GALNTL6: variants seen among roughly 807,000 people sequenced by gnomAD.
GALNTL6 encodes polypeptide N-acetylgalactosaminyltransferase like 6.
A neutral mutation model predicts 73.7 loss-of-function variants in GALNTL6; 46 were observed. The ratio of observed to expected loss-of-function variants is 0.62; its 90% CI spans 0.49 to 0.80. The LOEUF (loss-of-function observed/expected upper bound fraction) is 0.80. Among genes scored for constraint, GALNTL6 ranks in the 30% least tolerant of loss-of-function variants. The pLI is 0.00. For synonymous variants in GALNTL6, 259 were observed against 263.7 expected, an observed-to-expected ratio of 0.98 and a Z score of 0.17; for missense variants, 604 against 755.0, an observed-to-expected ratio of 0.80 and a Z score of 2.34.
intron 4 of GALNTL6, among the ~76,000 whole-genome samples, chr4:172,324,915 A>G (rs1740891091): frequency 6.6e-6 from 1 of 151,410 alleles, no homozygotes; most frequent in African/African-American, 2.4e-5. Context: ...AATATGCTTT[A>G]CATATAAAGT....
At chr4:172,359,218 C>A (rs1373009498) in intron 5 of GALNTL6, among the ~76,000 whole-genome samples, 4 of 152,106 alleles carry the variant, frequency 2.6e-5, no homozygotes, top group South Asian at 2.1e-4. Context: ...AGAATGAGAT[C>A]ATATTCTTTG....
chr4:172,209,434 G>T, intron 2 of GALNTL6, among the ~76,000 whole-genome samples: 1 of 107,042 alleles, frequency 9.3e-6, no homozygotes. Context: ...AGGACCCAGG[G>T]TCTCTGGTCA....
rs772818350 is a variant in GALNTL6, at chr4:172,176,077, C to T, written c.139-53579C>T. ...TATTCAGGCTGGGCGCGGTGGCTCACGCCTGTAATCCCAGCACTTTGGGAG... is the reference window on the plus strand; with the variant it reads ...TATTCAGGCTGGGCGCGGTGGCTCATGCCTGTAATCCCAGCACTTTGGGAG... On this transcript the variant is annotated intron_variant, in intron 2 of 12. Coordinates refer to ENST00000506823, the MANE Select transcript of GALNTL6 (RefSeq NM_001034845.3). 5.3e-4 allele frequency among the ~76,000 whole-genome samples: 80 copies of T among 152,100 alleles called. 1 individual carries two copies. The highest frequency in any genetic ancestry group is 9.6e-4 in the Non-Finnish European group (65 of 68,004).
chr4:172,725,695 T>C (rs560782658), intron 5 of GALNTL6, among the ~76,000 whole-genome samples: 1 of 152,322 alleles, frequency 6.6e-6, no homozygotes, highest in African/African-American at 2.4e-5. Flanking sequence ...TCTTGCGTTC[T>C]GCTTTAAAGA....
At chr4:172,697,961 C>A (rs1733793608) in intron 5 of GALNTL6, among the ~76,000 whole-genome samples, 1 of 152,248 alleles carries the variant, frequency 6.6e-6, no homozygotes, top group Non-Finnish European at 1.5e-5. Flanking sequence ...CACTCTAAAC[C>A]AATTTAAGAC....
chr4:172,762,811 A>G (rs1347952680), intron 5 of GALNTL6, among the ~76,000 whole-genome samples: 1 of 151,564 alleles, frequency 6.6e-6, no homozygotes, highest in Non-Finnish European at 1.5e-5. Context: ...ACCCAGTGAA[A>G]GTAACATCGA....
intron 10 of GALNTL6, among the ~76,000 whole-genome samples, chr4:172,955,264 G>A (rs1321368103): frequency 6.6e-6 from 1 of 152,072 alleles, no homozygotes; most frequent in Non-Finnish European, 1.5e-5. Context: ...GATCACCTGA[G>A]GTCAGGAGTT....
At chr4:172,822,619 C>T (rs1421046777) in intron 7 of GALNTL6, among the ~76,000 whole-genome samples, 1 of 152,100 alleles carries the variant, frequency 6.6e-6, no homozygotes, top group African/African-American at 2.4e-5. Context: ...ACAGCTCCTC[C>T]GTAGTCAGGC....
intron 8 of GALNTL6, among the ~76,000 whole-genome samples, chr4:172,891,168 G>A (rs970526424): frequency 1.3e-5 from 2 of 151,582 alleles, no homozygotes; most frequent in Non-Finnish European, 2.9e-5. Flanking sequence ...TTTAAGTGAG[G>A]CATTTAGACC....
intron 3 of GALNTL6, 24 bp from the exon 4 acceptor site, chr4:172,311,590 T>G: frequency 1.9e-6 from 3 of 1,584,070 alleles, no homozygotes; most frequent in Non-Finnish European, 1.7e-6. Flanking sequence ...GAGATGATAA[T>G]CTCATTTTGT....
At chr4:171,876,252 C>T (rs1471798972) in intron 2 of GALNTL6, among the ~76,000 whole-genome samples, 1 of 152,090 alleles carries the variant, frequency 6.6e-6, no homozygotes, top group Non-Finnish European at 1.5e-5. Flanking sequence ...TTTGATGTTA[C>T]AGAAAGACGT....
At chr4:172,443,123 T>TAC (rs1364212575) in intron 5 of GALNTL6, among the ~76,000 whole-genome samples, 6 of 56,238 alleles carry the variant, frequency 1.1e-4, no homozygotes, top group East Asian at 8.3e-4. Context: ...TCCATATACA[T>TAC]ATATATATAT....
At chr4:172,478,372 A>G (rs1312223336) in intron 5 of GALNTL6, among the ~76,000 whole-genome samples, 1 of 152,208 alleles carries the variant, frequency 6.6e-6, no homozygotes, top group African/African-American at 2.4e-5. Flanking sequence ...ACCTACAGCC[A>G]GCTGCTCTTT....
At chr4:172,332,063 C>G (rs1004243141) in intron 4 of GALNTL6, among the ~76,000 whole-genome samples, 1 of 151,988 alleles carries the variant, frequency 6.6e-6, no homozygotes, top group African/African-American at 2.4e-5. Context: ...AATGACCTTT[C>G]TGACAGGTGT....
In GALNTL6 at chr4:172,713,222, ATGTGTGTGTG is replaced by A. The variant is rs61504713; in HGVS notation, c.554-96103_554-96094del. On this transcript the variant is annotated intron_variant, in intron 5 of 12. Transcript: ENST00000506823. Reference sequence around the variant, plus strand: ...AATAAGAGAACAACAAAAGAATAAGATGTGTGTGTGTGTGTGTGTGTGTGTGTGTGTGTGT... The same window carrying A: ...AATAAGAGAACAACAAAAGAATAAGATGTGTGTGTGTGTGTGTGTGTGTGT... Among the ~76,000 whole-genome samples the A allele has an allele frequency of 1.0e-3, 146 of 139,238 alleles. 1 individual carries two copies. The highest frequency in any genetic ancestry group is 2.5e-3 in the South Asian group (10 of 4,080). 91.3% of individuals were successfully genotyped at this position (139,238 alleles called of 152,430 possible).
intron 2 of GALNTL6, among the ~76,000 whole-genome samples, chr4:172,150,743 G>A (rs1344924339): frequency 6.6e-6 from 1 of 151,970 alleles, no homozygotes; most frequent in Admixed American, 6.6e-5. Flanking sequence ...GGAGGTATAC[G>A]ACATAATAAA....
chr4:172,302,866 C>A (rs940290649), intron 3 of GALNTL6, among the ~76,000 whole-genome samples: 2 of 151,550 alleles, frequency 1.3e-5, no homozygotes, highest in African/African-American at 4.9e-5. Context: ...TTCTATATGT[C>A]TCATTTGTTA....
intron 5 of GALNTL6, among the ~76,000 whole-genome samples, chr4:172,426,917 TA>T (rs1276647240): frequency 9.9e-4 from 2 of 2,028 alleles, no homozygotes; most frequent in East Asian, 3.8e-3. Context: ...TAAGGACTCT[TA>T]TATATATATA....
chr4:172,453,318 C>A (rs996308935), intron 5 of GALNTL6, among the ~76,000 whole-genome samples: 12 of 151,934 alleles, frequency 7.9e-5, no homozygotes, highest in African/African-American at 2.7e-4. Flanking sequence ...CATAAAATTA[C>A]CCTAATAAGA....
Sources: allele counts gnomAD v4.1 joint callset (sites outside exome capture counted in the v4.1 genomes callset), GRCh38; gene constraint gnomAD v4.1.1; transcripts MANE v1.5; gene names NCBI Gene and HGNC (gene_info 2026-07-23, HGNC 2026-07-21).